ABLIM3: variants seen among roughly 807,000 people sequenced by gnomAD.
ABLIM3 encodes actin binding LIM protein family member 3.
ABLIM3 carries 61 observed loss-of-function variants against 109.5 expected under a neutral mutation model. That is an observed-to-expected ratio of 0.56 (90% CI 0.45 to 0.69). The LOEUF (loss-of-function observed/expected upper bound fraction) is 0.69. ABLIM3 is among the 30% of genes least tolerant of loss of function. The pLI, the probability that ABLIM3 is intolerant of heterozygous loss-of-function variation, is 0.00. For synonymous variants in ABLIM3, 300 were observed against 324.8 expected (o/e 0.92, Z 0.82); for missense variants, 796 against 889.5 (o/e 0.89, Z 1.34).
intron 2 of ABLIM3, among the ~76,000 whole-genome samples, chr5:149,158,406 A>G (rs1318159747): frequency 6.6e-6 from 1 of 152,200 alleles, no homozygotes; most frequent in Non-Finnish European, 1.5e-5. Context: ...TAAATGTAAT[A>G]CTAATATACA....
At chr5:149,191,838 A>G (rs1209244376) in intron 3 of ABLIM3, among the ~76,000 whole-genome samples, 1 of 152,162 alleles carries the variant, frequency 6.6e-6, no homozygotes, top group Non-Finnish European at 1.5e-5. Context: ...AAAATTTAAC[A>G]CCCACTTATA....
intron 2 of ABLIM3, among the ~76,000 whole-genome samples, chr5:149,153,031 G>A (rs1753571570): frequency 6.6e-6 from 1 of 152,048 alleles, no homozygotes; most frequent in South Asian, 2.1e-4. Flanking sequence ...TAATTGATGA[G>A]TTAACGCATT....
chr5:149,248,658 C>G (rs189070789), intron 18 of ABLIM3, among the ~76,000 whole-genome samples: 3 of 138,576 alleles, frequency 2.2e-5, no homozygotes, highest in African/African-American at 8.2e-5. Flanking sequence ...CCACTGCACT[C>G]CAGCCTGGGC....
chr5:149,149,939 C>T (rs765162467), intron 2 of ABLIM3, among the ~76,000 whole-genome samples: 2 of 152,202 alleles, frequency 1.3e-5, no homozygotes, highest in African/African-American at 4.8e-5. Context: ...GGGGTGAAGG[C>T]TGCCTGACAG....
At chr5:149,173,450 T>C (rs1238017033) in intron 2 of ABLIM3, among the ~76,000 whole-genome samples, 1 of 152,174 alleles carries the variant, frequency 6.6e-6, no homozygotes, top group Non-Finnish European at 1.5e-5. Context: ...TTCCCCAATG[T>C]TTCCTGCTTG....
Position 149,256,163 on chromosome 5 carries a change from C to T in ABLIM3, c.1939-2128C>T, listed in dbSNP as rs77016242. ...CCAGCTGGCCCTTAGAGGAGAGAAG[C>T]CCTGGTCTCCTTCCAGTGTGTCCTG... On this transcript the variant is annotated intron_variant, in intron 23 of 23. Transcript: ENST00000309868. Among the ~76,000 whole-genome samples the T allele has an allele frequency of 2.4e-4, 37 of 152,324 alleles. No homozygotes were observed. The East Asian group carries it at 6.8e-3, about 28-fold the overall frequency.
chr5:149,247,678 C>A, intron 17 of ABLIM3, 104 bp from the exon 18 acceptor site: 2 of 1,443,660 alleles, frequency 1.4e-6, no homozygotes, highest in Non-Finnish European at 1.9e-6. Flanking sequence ...AACATGAGAG[C>A]AGGCTGCTAT....
chr5:149,215,209 G>C (rs1759943673), intron 7 of ABLIM3, among the ~76,000 whole-genome samples: 1 of 152,166 alleles, frequency 6.6e-6, no homozygotes. Context: ...ATGATAAAGA[G>C]ACACAGAGTA....
chr5:149,239,354 C>T (rs557277452), intron 12 of ABLIM3, 77 bp downstream of exon 12: 28 of 1,513,414 alleles, frequency 1.9e-5, no homozygotes, highest in Non-Finnish European at 2.3e-5. Context: ...CCCAGCCCCC[C>T]GAAGGTGTCT....
At chr5:149,173,424 G>A (rs1451055499) in intron 2 of ABLIM3, among the ~76,000 whole-genome samples, 2 of 152,200 alleles carry the variant, frequency 1.3e-5, no homozygotes, top group African/African-American at 2.4e-5. Flanking sequence ...AAGTGTCCCT[G>A]ATCTGAAACT....
intron 11 of ABLIM3, 132 bp downstream of exon 11, chr5:149,237,735 T>C: frequency 8.5e-7 from 1 of 1,174,792 alleles, no homozygotes. Context: ...CTGGGATTTA[T>C]GGCCAACGTT....
At chr5:149,249,874 A>C in intron 19 of ABLIM3, 30 bp downstream of exon 19, 1 of 1,613,696 alleles carries the variant, frequency 6.2e-7, no homozygotes, top group Non-Finnish European at 8.5e-7. Flanking sequence ...CCTTCAGCCC[A>C]TCATGTCCCA....
At chr5:149,188,799 A>G (rs1056255218) in intron 3 of ABLIM3, among the ~76,000 whole-genome samples, 2 of 152,240 alleles carry the variant, frequency 1.3e-5, no homozygotes, top group Non-Finnish European at 2.9e-5. Context: ...GACAGAATTC[A>G]GTCCATAGAA....
At chr5:149,215,687 C>G (rs980496605) in intron 7 of ABLIM3, among the ~76,000 whole-genome samples, 6 of 152,176 alleles carry the variant, frequency 3.9e-5, no homozygotes, top group Non-Finnish European at 7.3e-5. Flanking sequence ...GCATTACCCT[C>G]CCCCAAAGAA....
chr5:149,219,583 G>A (rs1052916082), intron 8 of ABLIM3: 1 of 152,218 alleles, frequency 6.6e-6, no homozygotes, highest in Non-Finnish European at 1.5e-5. Flanking sequence ...CTCCCCTCCA[G>A]GGTTCTTTCC....
chr5:149,152,811 G>T (rs970564706), intron 2 of ABLIM3, among the ~76,000 whole-genome samples: 1 of 152,078 alleles, frequency 6.6e-6, no homozygotes, highest in East Asian at 1.9e-4. Context: ...AGGGATGACT[G>T]CTGAAAGGCC....
chr5:149,255,892 T>C (rs949340787), intron 23 of ABLIM3, among the ~76,000 whole-genome samples: 3 of 152,200 alleles, frequency 2.0e-5, no homozygotes, highest in Non-Finnish European at 4.4e-5. Flanking sequence ...GTTGAGCACA[T>C]GACCTGTATC....
chr5:149,182,977 T>TGATAGACATGATAGAAA (rs1409336205), intron 2 of ABLIM3, among the ~76,000 whole-genome samples: 11 of 152,218 alleles, frequency 7.2e-5, no homozygotes, highest in African/African-American at 2.6e-4. Context: ...GACATGAAAA[T>TGATAGACATGATAGAAA]TGAGGCCCAG....
At chr5:149,180,074 C>G (rs1581061259) in intron 2 of ABLIM3, among the ~76,000 whole-genome samples, 2 of 152,226 alleles carry the variant, frequency 1.3e-5, no homozygotes, top group Non-Finnish European at 2.9e-5. Context: ...GATTATCTCA[C>G]AAGTGAGCAC....
Sources: gnomAD v4.1 joint callset for allele counts (sites outside exome capture counted in the v4.1 genomes callset) on GRCh38, gnomAD v4.1.1 for gene constraint, MANE v1.5 for transcripts, NCBI Gene and HGNC (gene_info 2026-07-23, HGNC 2026-07-21) for gene names.